METRNL: variants seen among roughly 807,000 people sequenced by gnomAD.
The protein encoded by METRNL is meteorin like, glial cell differentiation regulator.
METRNL carries 9 observed loss-of-function variants against 17.4 expected under a neutral mutation model. That is an observed-to-expected ratio of 0.52 (90% CI 0.31 to 0.90). METRNL has a LOEUF of 0.90. Ranked by LOEUF, METRNL falls within the 40% of genes least tolerant of loss-of-function variation. The pLI, the probability that METRNL is intolerant of heterozygous loss-of-function variation, is 0.05. For missense variants in METRNL, 408 were observed against 430.7 expected (o/e 0.95, Z 0.47); for synonymous variants, 215 against 199.3 (o/e 1.08, Z -0.66).
chr17:83,084,701 A>AT (rs1364643799), intron 1 of METRNL: 1 of 508,200 alleles, frequency 2.0e-6, no homozygotes, highest in African/African-American at 2.2e-5. Context: ...CCGCCCCACC[A>AT]TGGCTCTTGG....
intron 2 of METRNL, among the ~76,000 whole-genome samples, chr17:83,088,776 C>T (rs553276314): frequency 1.3e-5 from 2 of 152,200 alleles, no homozygotes; most frequent in Admixed American, 6.5e-5. Context: ...GCGCAGAGCC[C>T]CTGCCGATGA....
rs757845671 is a variant in METRNL at position 83,085,004 on chromosome 17, C to T, written c.237C>T (p.Ala79=). ...EQVYLRCAAG[A]VEWMYPTGAL... ...TGTATCTGCGCTGTGCGGCGGGTGC[C>T]GTGGAGTGGATGTACCCAACAGGTG... Residue 79 remains alanine (A), a synonymous_variant, in exon 2 of 4, where the codon GCC becomes GCT. Transcript: ENST00000320095. 15 of 1,613,502 alleles carry T rather than the reference C, an allele frequency of 9.3e-6. No homozygotes were observed. The highest frequency in any genetic ancestry group is 1.3e-5 in the African/African-American group (1 of 74,938).
At position 83,080,601 on chromosome 17, in the gene METRNL, C is replaced by CTT. The variant is rs563834169; in HGVS notation, c.170+638_170+639dup. ...CCCCACCCGCGGTGGCGGCCGAGGACTTTTTTTTTTTTTTTTTTTTTTTGA... is the reference window on the plus strand; with the variant it reads ...CCCCACCCGCGGTGGCGGCCGAGGACTTTTTTTTTTTTTTTTTTTTTTTTTGA... On this transcript the variant is annotated intron_variant, in intron 1 of 3. Coordinates refer to ENST00000320095, the MANE Select transcript of METRNL (RefSeq NM_001004431.3). 2.0e-3 allele frequency among the ~76,000 whole-genome samples: 103 copies of CTT among 52,160 alleles called. 2 individuals are homozygous for CTT. The highest frequency in any genetic ancestry group is 0.015 in the Middle Eastern group (1 of 66). The allele number at this position is 52,160 out of a possible 152,430, so 34.2% of individuals were successfully genotyped here.
At chr17:83,080,764 G>A (rs1432387532) in intron 1 of METRNL, among the ~76,000 whole-genome samples, 1 of 150,868 alleles carries the variant, frequency 6.6e-6, no homozygotes, top group Admixed American at 6.6e-5. Context: ...CCAGTTCCGG[G>A]GTTCGCAGAT....
intron 3 of METRNL, among the ~76,000 whole-genome samples, chr17:83,093,724 C>T (rs372971929): frequency 3.4e-4 from 51 of 152,146 alleles, no homozygotes; most frequent in African/African-American, 1.0e-3. Flanking sequence ...TTTGCACAGA[C>T]GCCCTGTGGG....
chr17:83,092,150 A>G (rs2038145587), intron 2 of METRNL, among the ~76,000 whole-genome samples: 1 of 152,036 alleles, frequency 6.6e-6, no homozygotes, highest in Non-Finnish European at 1.5e-5. Context: ...GGGGCTTCAG[A>G]GGGGGTTCTG....
intron 3 of METRNL, 120 bp from the exon 4 acceptor site, chr17:83,094,136 A>T (rs949614090): frequency 3.8e-6 from 3 of 788,790 alleles, no homozygotes; most frequent in Non-Finnish European, 5.9e-6. Context: ...GCTAGATGGC[A>T]GAGTCGGGGG....
Position 83,094,435 on chromosome 17 carries a change from C to T in METRNL, c.796C>T (p.His266Tyr), listed in dbSNP as rs543128064. The T allele has an allele frequency of 3.1e-6, 5 of 1,598,204 alleles. No individual in the cohort carries two copies. The highest frequency in any genetic ancestry group is 1.3e-5 in the African/African-American group (1 of 74,822). The change falls in exon 4 of 4, where the codon CAT becomes TAT. Residue 266 changes from histidine (H) to tyrosine (Y), a missense_variant. His to Tyr is a moderately conservative substitution (Grantham distance 83). Coordinates refer to ENST00000320095, the MANE Select transcript of METRNL (RefSeq NM_001004431.3). ...TLLECGVRPG[H>Y]GDFLFTGHMH... ...GCTGGAGTGTGGCGTGCGGCCGGGG[C>T]ATGGCGACTTCCTCTTCACTGGCCA...
chr17:83,081,249 C>T (rs1171690507), intron 1 of METRNL, among the ~76,000 whole-genome samples: 1 of 152,122 alleles, frequency 6.6e-6, no homozygotes, highest in Non-Finnish European at 1.5e-5. Context: ...CTGGGGCCGC[C>T]CCTGCCCCCG....
intron 2 of METRNL, among the ~76,000 whole-genome samples, chr17:83,089,395 C>T (rs1395261364): frequency 6.6e-6 from 1 of 152,180 alleles, no homozygotes; most frequent in Non-Finnish European, 1.5e-5. Flanking sequence ...TCTGGCTGTC[C>T]TTACCTGGGC....
intron 1 of METRNL, chr17:83,084,213 C>T (rs796223913): frequency 6.6e-5 from 10 of 152,330 alleles, no homozygotes; most frequent in African/African-American, 2.4e-4. Flanking sequence ...AGTGCAGGGT[C>T]TTCAGGCTTG....
chr17:83,090,078 C>T (rs1001974097), intron 2 of METRNL, among the ~76,000 whole-genome samples: 21 of 152,014 alleles, frequency 1.4e-4, no homozygotes, highest in South Asian at 6.2e-4. Flanking sequence ...GCCCAGGCCC[C>T]GGGGTGGGAC....
intron 2 of METRNL, among the ~76,000 whole-genome samples, chr17:83,091,946 A>G (rs2038142603): frequency 6.6e-6 from 1 of 152,226 alleles, no homozygotes; most frequent in South Asian, 2.1e-4. Flanking sequence ...CGAGTGTAGG[A>G]ATGCGGGGCG....
chr17:83,087,067 A>G (rs2038060871), intron 2 of METRNL, among the ~76,000 whole-genome samples: 1 of 152,066 alleles, frequency 6.6e-6, no homozygotes, highest in African/African-American at 2.4e-5. Context: ...TTGAGCCCCA[A>G]GGGACCAGAG....
Position 83,079,688 on chromosome 17 carries a change from G to T in METRNL, c.-128G>T. 3 of 253,960 alleles carry T rather than the reference G, an allele frequency of 1.2e-5. No individual in the cohort carries two copies. The highest frequency in any genetic ancestry group is 1.8e-5 in the Non-Finnish European group (3 of 164,380). The allele number at this position is 253,960 out of a possible 1,614,324, so 15.7% of individuals were successfully genotyped here. ...GGGATGGGCGGGCGGCCGCGCGGAG[G>T]ACGCGGGGGGCGCGCGACGTGACCA... On this transcript the variant is annotated 5_prime_UTR_variant, in exon 1 of 4. Transcript: ENST00000320095.
chr17:83,080,848 C>G (rs1300321908), intron 1 of METRNL, among the ~76,000 whole-genome samples: 1 of 149,832 alleles, frequency 6.7e-6, no homozygotes, highest in Non-Finnish European at 1.5e-5. Context: ...TCCCGCTTCC[C>G]CTCGGCGCGG....
intron 3 of METRNL, 128 bp from the exon 4 acceptor site, chr17:83,094,128 T>C: frequency 2.7e-6 from 2 of 731,974 alleles, no homozygotes; most frequent in South Asian, 2.2e-5. Flanking sequence ...ATTTCCACGC[T>C]AGATGGCAGA....
chr17:83,085,409 CCCT>C, intron 2 of METRNL, 86 bp downstream of exon 2: 1 of 1,453,362 alleles, frequency 6.9e-7, no homozygotes, highest in South Asian at 1.4e-5. Context: ...TCTTCCTGTC[CCCT>C]CGTCTGCTCA....
chr17:83,083,860 G>C (rs1188661127), intron 1 of METRNL, among the ~76,000 whole-genome samples: 3 of 152,244 alleles, frequency 2.0e-5, no homozygotes, highest in Non-Finnish European at 4.4e-5. Context: ...AAGAATGTGG[G>C]TGAACCTGTC....
Sources: gnomAD v4.1 joint callset for allele counts (sites outside exome capture counted in the v4.1 genomes callset) on GRCh38, gnomAD v4.1.1 for gene constraint, MANE v1.5 for transcripts, NCBI Gene and HGNC (gene_info 2026-07-23, HGNC 2026-07-21) for gene names.